Variants in LMF1 observed in about 807,000 individuals in gnomAD.
LMF1 encodes the protein transmembrane protein 112.
Under a neutral mutation model 60.6 loss-of-function variants are expected in LMF1, and 68 were observed. That is an observed-to-expected ratio of 1.12 (90% confidence interval 0.92 to 1.37). The LOEUF (loss-of-function observed/expected upper bound fraction) is 1.37. Ranked by LOEUF, LMF1 falls within the 40% of genes most tolerant of loss-of-function variation. The pLI is 0.00. For missense variants in LMF1, 948 were observed against 767.2 expected (o/e 1.24, Z -2.78); for synonymous variants, 418 against 324.7 (o/e 1.29, Z -3.09).
In LMF1 at chr16:897,099, A is replaced by G. The variant is rs549771369; in HGVS notation, c.664-4027T>C. Among the ~76,000 whole-genome samples the G allele has an allele frequency of 1.1e-4, 16 of 152,308 alleles. No homozygotes were observed. The highest frequency in any genetic ancestry group is 1.5e-4 in the Non-Finnish European group (10 of 68,020). On this transcript the variant is annotated intron_variant, in intron 4 of 10. Transcript: ENST00000262301. The surrounding 1 kb of genome is among the most constrained non-coding windows in gnomAD (Gnocchi z 4.3). The stretch of plus-strand genomic sequence containing the variant: ...ACCCTCCCGCTCTGCTCGGAATGCC[A>G]GAACTTTCCAGGCCCATCGACGATG...
intron 2 of LMF1, among the ~76,000 whole-genome samples, chr16:953,454 C>T (rs367877403): frequency 1.3e-3 from 45 of 34,604 alleles, no homozygotes; most frequent in African/African-American, 3.3e-3. Flanking sequence ...CCACACCAGC[C>T]TCCTACACGT....
chr16:883,673 G>A (rs965461166), intron 5 of LMF1: 7 of 152,196 alleles, frequency 4.6e-5, no homozygotes, highest in Admixed American at 4.6e-4. Flanking sequence ...AATATTTGAA[G>A]AAATATTGGC....
intron 3 of LMF1, among the ~76,000 whole-genome samples, chr16:918,481 A>C (rs1206083779): frequency 6.6e-6 from 1 of 152,248 alleles, no homozygotes; most frequent in African/African-American, 2.4e-5. Context: ...AATGTGTTCC[A>C]AGTATTTCAC....
intron 9 of LMF1, chr16:869,541 C>T: frequency 1.7e-6 from 1 of 580,370 alleles, no homozygotes; most frequent in Non-Finnish European, 3.3e-6. Flanking sequence ...CCTTCCTCCT[C>T]CTGCGTAGCT....
intron 3 of LMF1, among the ~76,000 whole-genome samples, chr16:917,066 C>CA (rs2071298580): frequency 6.6e-6 from 1 of 152,226 alleles, no homozygotes; most frequent in Admixed American, 6.5e-5. Context: ...GCTGCAAACT[C>CA]ATCTTGAAGG....
intron 10 of LMF1, among the ~76,000 whole-genome samples, chr16:856,503 G>A (rs1328044489): frequency 6.6e-6 from 1 of 152,236 alleles, no homozygotes; most frequent in Non-Finnish European, 1.5e-5. Context: ...GAGGCCGGGA[G>A]GGTGGGGATC....
In LMF1 at chr16:870,072, G is replaced by T; in HGVS notation, c.1233-6C>A. On this transcript the variant is annotated splice_region_variant and splice_polypyrimidine_tract_variant and intron_variant, in intron 8 of 10. Transcript: ENST00000262301. Reference sequence around the variant, plus strand: ...CCGCCCGCTCCTTGGTGATGCTGCCGGGAGACCGAGGCAGGCCAGGCCCAC... The same window carrying T: ...CCGCCCGCTCCTTGGTGATGCTGCCTGGAGACCGAGGCAGGCCAGGCCCAC... 6.2e-7 allele frequency: 1 copy of T among 1,604,126 alleles called. No individual in the cohort carries two copies.
chr16:957,249 G>A (rs549945913), intron 1 of LMF1, among the ~76,000 whole-genome samples: 1 of 152,264 alleles, frequency 6.6e-6, no homozygotes, highest in East Asian at 1.9e-4. Context: ...AAGTACATGC[G>A]GCTTCCTACT....
intron 5 of LMF1, among the ~76,000 whole-genome samples, chr16:890,170 C>T (rs1170720502): frequency 6.6e-6 from 1 of 152,230 alleles, no homozygotes; most frequent in Non-Finnish European, 1.5e-5. Flanking sequence ...ATTCCTGCCC[C>T]AGGAGACACA....
chr16:954,653 C>T lies in LMF1; in HGVS notation c.207G>A (p.Leu69=). The T allele has an allele frequency of 6.3e-7, 1 of 1,595,972 alleles. No individual in the cohort carries two copies. Among genetic ancestry groups the T allele is most frequent in the Non-Finnish European group, 8.6e-7 (1 of 1,169,252 alleles). ...GCTGCTTGTTCTGATGGAAAGCCACCAGGAATGCCACGACTGGAAGAAAAA... is the reference window on the plus strand; with the variant it reads ...GCTGCTTGTTCTGATGGAAAGCCACTAGGAATGCCACGACTGGAAGAAAAA... ...ALAFVYFVAF[L]VAFHQNKQLI... is the part of the protein sequence containing the mutation. Residue 69 remains leucine, a synonymous_variant, in exon 2 of 11, where the codon CTG becomes CTA. Coordinates refer to ENST00000262301, the MANE Select transcript of LMF1 (RefSeq NM_022773.4).
intron 4 of LMF1, among the ~76,000 whole-genome samples, chr16:895,660 C>T (rs1022317503): frequency 6.6e-6 from 1 of 152,136 alleles, no homozygotes; most frequent in Admixed American, 6.5e-5. Flanking sequence ...CTGCACCGCG[C>T]CCTGAAGGAC....
intron 10 of LMF1, among the ~76,000 whole-genome samples, chr16:860,370 C>T (rs1435949459): frequency 4.7e-5 from 7 of 150,320 alleles, no homozygotes; most frequent in Admixed American, 1.3e-4. Context: ...GATGGGCTCT[C>T]GCTCTGTTGC....
chr16:895,397 G>A (rs564502312), intron 4 of LMF1, among the ~76,000 whole-genome samples: 2 of 152,304 alleles, frequency 1.3e-5, no homozygotes, highest in South Asian at 2.1e-4. Flanking sequence ...GATGGACCAG[G>A]GACCCCAGGC....
chr16:886,575 CGGCGTTCCCCAGGCCCCT>C (rs1363804764), intron 5 of LMF1, among the ~76,000 whole-genome samples: 1 of 111,080 alleles, frequency 9.0e-6, no homozygotes, highest in Non-Finnish European at 1.8e-5. Context: ...CCTAGGCCCC[CGGCGTTCCCCAGGCCCCT>C]CCCACCCTAG....
chr16:935,910 G>C lies in LMF1; in HGVS notation c.504-1656C>G, dbSNP rs959317368. Among the ~76,000 whole-genome samples the C allele has an allele frequency of 4.6e-5, 7 of 152,358 alleles. 1 individual carries two copies. The highest frequency in any genetic ancestry group is 2.6e-4 in the Admixed American group (4 of 15,304). On this transcript the variant is annotated intron_variant, in intron 2 of 10. Coordinates refer to ENST00000262301, the MANE Select transcript of LMF1 (RefSeq NM_022773.4). The stretch of plus-strand genomic sequence containing the variant: ...CGACATCTGAGCCGTGGGGGAGGTG[G>C]GCGGGGACAGAGTACTGGAGGGCTC...
rs551074018 is a variant in LMF1 at position 954,194 on chromosome 16, G to C, written c.503+163C>G. The C allele has an allele frequency of 1.9e-4, 143 of 769,572 alleles. No individual in the cohort carries two copies. In the African/African-American group the frequency reaches 2.0e-3, roughly 11 times the overall value. The allele number at this position is 769,572 out of a possible 1,614,324, so 47.7% of individuals were successfully genotyped here. The stretch of plus-strand genomic sequence containing the variant: ...TGAAGATGGGTGGCTGCTGTGGCTG[G>C]TGCACTGGCCGCTCTGCCATGGCCT... On this transcript the variant is annotated intron_variant, in intron 2 of 10. Transcript: ENST00000262301.
intron 10 of LMF1, among the ~76,000 whole-genome samples, chr16:857,172 A>C (rs544230278): frequency 2.0e-5 from 3 of 152,334 alleles, no homozygotes; most frequent in African/African-American, 4.8e-5. Context: ...CTCTTGTGGA[A>C]GGACAGCTGA....
intron 6 of LMF1, chr16:871,728 G>A (rs2069800340): frequency 5.1e-6 from 1 of 198,000 alleles, no homozygotes; most frequent in African/African-American, 2.3e-5. Context: ...TCCAAACAGA[G>A]GAGGCTGTGC....
At chr16:875,690 A>G (rs940331086) in intron 6 of LMF1, among the ~76,000 whole-genome samples, 1 of 152,152 alleles carries the variant, frequency 6.6e-6, no homozygotes, top group African/African-American at 2.4e-5. Context: ...CACGGAGCCA[A>G]GCAGACCAAC....
Sources: allele counts gnomAD v4.1 joint callset (sites outside exome capture counted in the v4.1 genomes callset), GRCh38; gene constraint gnomAD v4.1.1; non-coding constraint Gnocchi (gnomAD v3.1); transcripts MANE v1.5; gene names NCBI Gene and HGNC (gene_info 2026-07-23, HGNC 2026-07-21).